Variants in NANS observed in about 807,000 individuals in gnomAD.
NANS encodes N-acetylneuraminate-9-phosphate synthase.
NANS carries 29 observed loss-of-function variants against 33.3 expected under a neutral mutation model. That is an observed-to-expected ratio of 0.87 (90% CI 0.65 to 1.19). The LOEUF is 1.19. Ranked by LOEUF, NANS falls within the 50% of genes most tolerant of loss-of-function variation. The probability of loss-of-function intolerance (pLI) is 0.00; values close to 1 mark genes in which losing one functional copy is unlikely to be tolerated. For synonymous variants in NANS, 163 were observed against 177.2 expected (o/e 0.92, Z 0.64); for missense variants, 394 against 461.1 (o/e 0.85, Z 1.33).
intron 1 of NANS, among the ~76,000 whole-genome samples, chr9:98,057,661 C>G (rs1429130613): frequency 6.6e-6 from 1 of 152,060 alleles, no homozygotes; most frequent in Non-Finnish European, 1.5e-5. Flanking sequence ...AATGCGTGCT[C>G]CCTCTTCTGT....
chr9:98,075,468 GAGGA>G (rs1475349838), intron 2 of NANS: 7 of 144,450 alleles, frequency 4.8e-5, no homozygotes, highest in Admixed American at 3.5e-4. Flanking sequence ...GGGAGGGAGG[GAGGA>G]AGGAAGGGAG....
intron 2 of NANS, among the ~76,000 whole-genome samples, chr9:98,073,410 G>A (rs984251552): frequency 1.4e-5 from 2 of 147,646 alleles, no homozygotes; most frequent in Admixed American, 6.9e-5. Context: ...TTAGCCTCCC[G>A]AGTAGCTGGG....
chr9:98,077,486 A>C (rs186615520), intron 3 of NANS, among the ~76,000 whole-genome samples: 387 of 152,084 alleles, frequency 2.5e-3, no homozygotes, highest in African/African-American at 9.0e-3. Flanking sequence ...TTGGGATTAC[A>C]GGTGTGAGCC....
Position 98,060,889 on chromosome 9 carries a change from G to C in NANS, c.240G>C (p.Thr80=). The change falls in exon 2 of 6, where the codon ACG becomes ACC. Residue 80 remains threonine (T), a synonymous_variant. Coordinates refer to ENST00000210444, the MANE Select transcript of NANS (RefSeq NM_018946.4). ...PYTSKHSWGK[T]YGEHKRHLEF... Reference sequence around the variant, plus strand: ...CCTCGAAGCATTCCTGGGGGAAGACGTACGGGGAGCACAAACGACATCTGG... The same window carrying C: ...CCTCGAAGCATTCCTGGGGGAAGACCTACGGGGAGCACAAACGACATCTGG... 6.2e-7 allele frequency: 1 copy of C among 1,614,212 alleles called. No individual in the cohort carries two copies. Among genetic ancestry groups the C allele is most frequent in the Non-Finnish European group, 8.5e-7 (1 of 1,180,040 alleles).
chr9:98,064,298 A>C (rs142712046), intron 2 of NANS, among the ~76,000 whole-genome samples: 1 of 152,038 alleles, frequency 6.6e-6, no homozygotes, highest in East Asian at 1.9e-4. Flanking sequence ...CTGTTGCTCA[A>C]GCTGGAGTGC....
chr9:98,063,568 A>G (rs949869864), intron 2 of NANS, among the ~76,000 whole-genome samples: 2 of 145,158 alleles, frequency 1.4e-5, no homozygotes, highest in Admixed American at 7.0e-5. Flanking sequence ...TTGAGATGGG[A>G]TCTTGTTTTG....
intron 5 of NANS, chr9:98,081,506 T>TAAGC (rs1291875011): frequency 5.9e-6 from 1 of 168,792 alleles, no homozygotes; most frequent in Non-Finnish European, 1.3e-5. Flanking sequence ...TGGCATTTCC[T>TAAGC]AAGCCAGGGT....
intron 2 of NANS, among the ~76,000 whole-genome samples, chr9:98,073,683 C>T (rs1829455934): frequency 6.6e-6 from 1 of 152,016 alleles, no homozygotes; most frequent in Non-Finnish European, 1.5e-5. Context: ...TCTTTCCTTA[C>T]CCCTGACTCA....
chr9:98,066,681 C>G (rs559897062), intron 2 of NANS, among the ~76,000 whole-genome samples: 12 of 150,206 alleles, frequency 8.0e-5, no homozygotes, highest in Non-Finnish European at 1.6e-4. Flanking sequence ...GACAGAGTCT[C>G]GCTCTATTGC....
chr9:98,059,472 T>C (rs1221518704), intron 1 of NANS, among the ~76,000 whole-genome samples: 1 of 152,216 alleles, frequency 6.6e-6, no homozygotes, highest in Non-Finnish European at 1.5e-5. Context: ...TGGAGTGCAG[T>C]GGCACCATCA....
chr9:98,080,005 G>A (rs972405048), intron 4 of NANS, among the ~76,000 whole-genome samples: 7 of 152,206 alleles, frequency 4.6e-5, no homozygotes, highest in African/African-American at 1.4e-4. Flanking sequence ...CTTGAGGCCA[G>A]GAGCTTGAGA....
chr9:98,061,295 G>A (rs1828967086), intron 2 of NANS: 1 of 324,062 alleles, frequency 3.1e-6, no homozygotes, highest in African/African-American at 2.1e-5. Flanking sequence ...TGGCCAACAT[G>A]GTGAAACCCC....
At chr9:98,070,519 C>G (rs1829294070) in intron 2 of NANS, among the ~76,000 whole-genome samples, 1 of 152,084 alleles carries the variant, frequency 6.6e-6, no homozygotes, top group Non-Finnish European at 1.5e-5. Context: ...CTCCTGGGTT[C>G]AAGAGATTCT....
At chr9:98,082,232 C>CCAT (rs1280562017) in intron 5 of NANS, 4 of 152,204 alleles carry the variant, frequency 2.6e-5, no homozygotes, top group African/African-American at 7.2e-5. Flanking sequence ...GCCACATTCA[C>CCAT]CATCTTATGA....
intron 3 of NANS, 62 bp from the exon 4 acceptor site, chr9:98,078,131 G>GT (rs749300805): frequency 6.2e-7 from 1 of 1,607,806 alleles, no homozygotes; most frequent in South Asian, 1.1e-5. Context: ...GTTGGGATGT[G>GT]TTGGGGAGAG....
chr9:98,078,178 T>G lies in NANS; in HGVS notation c.449-15T>G, dbSNP rs1257002253. On this transcript the variant is annotated splice_polypyrimidine_tract_variant and intron_variant, in intron 3 of 5. Coordinates refer to ENST00000210444, the MANE Select transcript of NANS (RefSeq NM_018946.4). Reference sequence around the variant, plus strand: ...AAAGAGAAAGTGCTGATGGTGTTGGTGCTGGATTACTCAGGTCGCCCAATG... The same window carrying G: ...AAAGAGAAAGTGCTGATGGTGTTGGGGCTGGATTACTCAGGTCGCCCAATG... The G allele has an allele frequency of 6.2e-7, 1 of 1,614,026 alleles. No homozygotes were observed. Among genetic ancestry groups the G allele is most frequent in the East Asian group, 2.2e-5 (1 of 44,896 alleles).
chr9:98,058,233 G>A (rs1006243148), intron 1 of NANS, among the ~76,000 whole-genome samples: 1 of 152,196 alleles, frequency 6.6e-6, no homozygotes, highest in Non-Finnish European at 1.5e-5. Context: ...GTTCCTTCGG[G>A]ACTGGTTTTA....
intron 2 of NANS, 59 bp downstream of exon 2, chr9:98,061,056 C>T: frequency 6.4e-7 from 1 of 1,556,318 alleles, no homozygotes; most frequent in East Asian, 2.3e-5. Flanking sequence ...CAGCAGGCAG[C>T]CTGGTGACTT....
chr9:98,057,883 C>T (rs1389908733), intron 1 of NANS, among the ~76,000 whole-genome samples: 1 of 136,044 alleles, frequency 7.4e-6, no homozygotes, highest in African/African-American at 2.8e-5. Flanking sequence ...GTCACCCAGG[C>T]TGGAGGTTTT....
Sources: gnomAD v4.1 joint callset for allele counts (sites outside exome capture counted in the v4.1 genomes callset) on GRCh38, gnomAD v4.1.1 for gene constraint, MANE v1.5 for transcripts, NCBI Gene and HGNC (gene_info 2026-07-23, HGNC 2026-07-21) for gene names.